The following CHEK1 variants were observed in gnomAD, a reference collection of about 807,000 sequenced individuals.
The protein encoded by CHEK1 is checkpoint kinase 1.
In CHEK1, 32 loss-of-function variants were observed where a neutral mutation model predicts 60.2. That is an observed-to-expected ratio of 0.53 (90% CI 0.40 to 0.71). The LOEUF is 0.71. Among genes scored for constraint, CHEK1 ranks in the 30% least tolerant of loss-of-function variants. The pLI is 0.00. For synonymous variants in CHEK1, 179 were observed against 187.2 expected (o/e 0.96, Z 0.36); for missense variants, 399 against 564.6 (o/e 0.71, Z 2.97).
chr11:125,655,410 C>A lies in CHEK1; in HGVS notation c.*90C>A. ...AGAGAAGATTATCCTGTCCTGCAAA[C>A]TGCAAATAGTAGTTCCTGAAGTGTT... On this transcript the variant is annotated 3_prime_UTR_variant, in exon 13 of 13. Transcript: ENST00000438015. The A allele has an allele frequency of 1.2e-6, 1 of 836,002 alleles. No individual in the cohort carries two copies. Among genetic ancestry groups the A allele is most frequent in the Non-Finnish European group, 1.9e-6 (1 of 527,118 alleles). 51.8% of individuals were successfully genotyped at this position (836,002 alleles called of 1,614,324 possible). A position where few individuals can be genotyped will look rare whatever the true frequency, so the allele number is the denominator to read the frequency against.
At chr11:125,639,188 G>A (rs553715278) in intron 8 of CHEK1, among the ~76,000 whole-genome samples, 2 of 151,934 alleles carry the variant, frequency 1.3e-5, no homozygotes, top group East Asian at 3.9e-4. Context: ...GTTTAATCTA[G>A]TAGTTTTCTA....
rs970812913 is a variant in CHEK1, at chr11:125,653,569, T to C, written c.1234-177T>C. ...GGCTATTGTGAATAATGCTGTAGGG[T>C]TGCAAATTTCTCTTCCATATAATTT... On this transcript the variant is annotated intron_variant, in intron 11 of 12. Transcript: ENST00000438015. The surrounding 1 kb of genome is among the most constrained non-coding windows in gnomAD (Gnocchi z 4.3). Among the ~76,000 whole-genome samples, 3 of 152,112 alleles carry C rather than the reference T, an allele frequency of 2.0e-5. No individual in the cohort carries two copies. The highest frequency in any genetic ancestry group is 7.2e-5 in the African/African-American group (3 of 41,398).
At chr11:125,674,952 G>C (rs1365822861) in intron 13 of CHEK1, among the ~76,000 whole-genome samples, 1 of 152,048 alleles carries the variant, frequency 6.6e-6, no homozygotes, top group Non-Finnish European at 1.5e-5. Context: ...TTTACATCCT[G>C]CACTTTTCTG....
chr11:125,659,536 C>A (rs1336344122), downstream of CHEK1, among the ~76,000 whole-genome samples: 1 of 151,980 alleles, frequency 6.6e-6, no homozygotes, highest in Admixed American at 6.6e-5. Context: ...TTATCCAGCT[C>A]AAATTTTTTT....
intron 13 of CHEK1, among the ~76,000 whole-genome samples, chr11:125,673,517 C>T (rs936249114): frequency 6.6e-6 from 1 of 152,072 alleles, no homozygotes; most frequent in Non-Finnish European, 1.5e-5. Context: ...TACACCCTTT[C>T]TTGATACTCT....
chr11:125,667,478 A>G (rs973995578), intron 13 of CHEK1, among the ~76,000 whole-genome samples: 1 of 152,148 alleles, frequency 6.6e-6, no homozygotes, highest in South Asian at 2.1e-4. Flanking sequence ...GATTTTGTCA[A>G]TTCCAGGAGC....
downstream of CHEK1, among the ~76,000 whole-genome samples, chr11:125,661,986 A>G (rs994451277): frequency 6.6e-6 from 1 of 152,212 alleles, no homozygotes; most frequent in Non-Finnish European, 1.5e-5. Context: ...AGGTCAAGAT[A>G]GGACATTTCC....
At chr11:125,629,348 A>G (rs747265349) in intron 4 of CHEK1, 43 bp from the exon 5 acceptor site, 3 of 1,611,912 alleles carry the variant, frequency 1.9e-6, no homozygotes, top group East Asian at 2.2e-5. Context: ...TGAATACATT[A>G]CATTACCAAA....
intron 7 of CHEK1, 184 bp downstream of exon 7, chr11:125,635,717 CA>C: frequency 2.7e-6 from 1 of 372,168 alleles, no homozygotes; most frequent in Non-Finnish European, 4.8e-6. Flanking sequence ...CAGAACTCTG[CA>C]ATAGATTTTT....
intron 11 of CHEK1, among the ~76,000 whole-genome samples, chr11:125,648,328 A>AGCC (rs1170531859): frequency 6.6e-6 from 1 of 152,092 alleles, no homozygotes; most frequent in Non-Finnish European, 1.5e-5. Context: ...CACGCCTGTA[A>AGCC]TCCCAGCACT....
chr11:125,630,314 C>CTT (rs34075954), intron 5 of CHEK1, among the ~76,000 whole-genome samples: 21 of 143,628 alleles, frequency 1.5e-4, no homozygotes, highest in Non-Finnish European at 2.4e-4. Context: ...AAATGGTCAG[C>CTT]TTTTTTTTTT....
At chr11:125,670,699 A>T (rs754534643) in intron 13 of CHEK1, among the ~76,000 whole-genome samples, 1 of 152,056 alleles carries the variant, frequency 6.6e-6, no homozygotes, top group South Asian at 2.1e-4. Context: ...GTCCCAACCT[A>T]TGTTCTCTGA....
At chr11:125,668,632 C>G (rs1304997950) in intron 13 of CHEK1, among the ~76,000 whole-genome samples, 2 of 152,144 alleles carry the variant, frequency 1.3e-5, no homozygotes, top group Non-Finnish European at 2.9e-5. Context: ...TAGCTCACTG[C>G]AGCCTCAAAT....
At chr11:125,644,301 A>G (rs1354768867) in intron 10 of CHEK1, 33 bp downstream of exon 10, 2 of 1,574,444 alleles carry the variant, frequency 1.3e-6, no homozygotes, top group East Asian at 2.2e-5. Flanking sequence ...AAGTAATGGC[A>G]GCTCTTTATT....
intron 3 of CHEK1, among the ~76,000 whole-genome samples, chr11:125,629,008 T>C (rs1172817759): frequency 1.3e-5 from 2 of 152,146 alleles, no homozygotes; most frequent in African/African-American, 4.8e-5. Context: ...GATTTGGATA[T>C]TGGTTTTCTC....
In CHEK1 at chr11:125,644,095, G is replaced by C; in HGVS notation, c.928G>C (p.Glu310Gln). 6.2e-7 allele frequency: 1 copy of C among 1,608,042 alleles called. No homozygotes were observed. The highest frequency in any genetic ancestry group is 8.5e-7 in the Non-Finnish European group (1 of 1,178,586). Residue 310 changes from glutamate (E) to glutamine (Q), a missense_variant, in exon 10 of 13, where the codon GAA becomes CAA. Glu to Gln is a conservative substitution (Grantham distance 29, BLOSUM62 2). Coordinates refer to ENST00000438015, the MANE Select transcript of CHEK1 (RefSeq NM_001114122.3). ...CTTTCTGTCTTAATGCCTCAGTGAA[G>C]AAAATGTGAAGTACTCCAGTTCTCA... ...FSPVNSASSE[E>Q]NVKYSSSQPE...
At chr11:125,642,539 T>TA (rs938712343) in intron 8 of CHEK1, among the ~76,000 whole-genome samples, 1 of 151,636 alleles carries the variant, frequency 6.6e-6, no homozygotes, top group Admixed American at 6.6e-5. Flanking sequence ...AAAGCAGGTT[T>TA]AAAAAAAAAC....
chr11:125,658,417 CCTTTT>C (rs1047070174), downstream of CHEK1, among the ~76,000 whole-genome samples: 4 of 151,958 alleles, frequency 2.6e-5, no homozygotes, highest in African/African-American at 9.7e-5. Context: ...TTTCTAATTG[CCTTTT>C]CTTTTTCTTA....
rs758069861 is a variant in CHEK1 at position 125,644,170 on chromosome 11, A to G, written c.1003A>G (p.Ile335Val). ...LSLWDTSPSY[I>V]DKLVQGISFS... is the part of the protein sequence containing the mutation. ...CTTATGGGATACCAGCCCCTCATAC[A>G]TTGATAAATTGGTACAAGGGATCAG... Residue 335 changes from isoleucine (I) to valine (V), a missense_variant, in exon 10 of 13, where the codon ATT becomes GTT. Coordinates refer to ENST00000438015, the MANE Select transcript of CHEK1 (RefSeq NM_001114122.3). 4.3e-6 allele frequency: 7 copies of G among 1,614,026 alleles called. No individual in the cohort carries two copies. Among genetic ancestry groups the G allele is most frequent in the African/African-American group, 2.7e-5 (2 of 74,918 alleles).
Sources: allele counts gnomAD v4.1 joint callset (sites outside exome capture counted in the v4.1 genomes callset), GRCh38; gene constraint gnomAD v4.1.1; non-coding constraint Gnocchi (gnomAD v3.1); transcripts MANE v1.5; gene names NCBI Gene and HGNC (gene_info 2026-07-23, HGNC 2026-07-21).